RBFOX1: variants seen among roughly 807,000 people sequenced by gnomAD.
The protein encoded by RBFOX1 is RNA binding protein fox-1 homolog 1.
Under a neutral mutation model 57.7 loss-of-function variants are expected in RBFOX1, and 8 were observed. That is an observed-to-expected ratio of 0.14 (90% CI 0.08 to 0.25). RBFOX1 has a LOEUF of 0.25. Ranked by LOEUF, RBFOX1 falls within the 10% of genes least tolerant of loss-of-function variation. RBFOX1 has a pLI of 1.00. For missense variants in RBFOX1, 611 were observed against 548.5 expected (o/e 1.11, Z -1.14); for synonymous variants, 326 against 222.4 (o/e 1.47, Z -4.15).
chr16:6,352,940 G>C (rs1307605977), intron 2 of RBFOX1, among the ~76,000 whole-genome samples: 1 of 152,138 alleles, frequency 6.6e-6, no homozygotes, highest in South Asian at 2.1e-4. Flanking sequence ...GCGGGAGAGT[G>C]GTTCATTTGC....
At chr16:5,704,940 G>C (rs1207221309) in intron 3 of RBFOX1, among the ~76,000 whole-genome samples, 1 of 152,094 alleles carries the variant, frequency 6.6e-6, no homozygotes, top group Non-Finnish European at 1.5e-5. Flanking sequence ...AAGTCATATG[G>C]GAATGAGGCA....
At chr16:5,632,285 A>T (rs377062563) in intron 3 of RBFOX1, among the ~76,000 whole-genome samples, 5 of 152,360 alleles carry the variant, frequency 3.3e-5, no homozygotes, top group African/African-American at 1.2e-4. Context: ...TGGGAGTTAC[A>T]CCTGCTGGGT....
rs530675709 is a variant in RBFOX1 at position 6,578,673 on chromosome 16, C to T, written c.-63-75930C>T. On this transcript the variant is annotated intron_variant, in intron 2 of 15. Transcript: ENST00000550418. ...AAAAATATAGAGAAGGAGAGAGAAC[C>T]CCAGAGAGAGAGAAACAGAGAGTGA... Among the ~76,000 whole-genome samples the T allele has an allele frequency of 4.2e-5, 6 of 141,944 alleles. No homozygotes were observed. In the South Asian group the frequency reaches 6.7e-4, roughly 16 times the overall value. The allele number at this position is 141,944 out of a possible 152,430, so 93.1% of individuals were successfully genotyped here. A position where few individuals can be genotyped will look rare whatever the true frequency, so the allele number is the denominator to read the frequency against.
chr16:5,302,838 T>A (rs1341577671), intron 1 of RBFOX1, among the ~76,000 whole-genome samples: 1 of 152,254 alleles, frequency 6.6e-6, no homozygotes, highest in Admixed American at 6.5e-5. Flanking sequence ...AAACTGTGTT[T>A]CTTATAAACA....
At chr16:5,722,098 C>T (rs1208170895) in intron 3 of RBFOX1, among the ~76,000 whole-genome samples, 1 of 152,170 alleles carries the variant, frequency 6.6e-6, no homozygotes, top group Non-Finnish European at 1.5e-5. Context: ...TTAAAAGAAC[C>T]AGGTTGCTCT....
chr16:5,756,478 C>G lies in RBFOX1; in HGVS notation c.319-110825C>G, dbSNP rs991257534. ...GAGTTTGTCACATCTCCCAAATGCC[C>G]AGGCTGGTTTCTTACCTCCTTCTCC... is the stretch of plus-strand genomic sequence containing the variant. On this transcript the variant is annotated intron_variant, in intron 3 of 19. Transcript: ENST00000641259. 2.0e-5 allele frequency among the ~76,000 whole-genome samples: 3 copies of G among 152,102 alleles called. No homozygotes were observed. The East Asian group carries it at 5.8e-4, about 29-fold the overall frequency.
chr16:5,739,536 T>A (rs1253031051), intron 3 of RBFOX1, among the ~76,000 whole-genome samples: 1 of 152,240 alleles, frequency 6.6e-6, no homozygotes, highest in Non-Finnish European at 1.5e-5. Flanking sequence ...CAAAATATTT[T>A]TCTTTGATCT....
chr16:6,473,792 G>A (rs1489291322), intron 2 of RBFOX1, among the ~76,000 whole-genome samples: 3 of 152,162 alleles, frequency 2.0e-5, no homozygotes, highest in Non-Finnish European at 4.4e-5. Context: ...GCGTGGGGAA[G>A]CTGCAGATGG....
chr16:6,133,316 C>G (rs541428208), intron 1 of RBFOX1, among the ~76,000 whole-genome samples: 22 of 152,192 alleles, frequency 1.4e-4, no homozygotes, highest in Admixed American at 4.6e-4. Flanking sequence ...ACGTTGCTCT[C>G]TCTAGCATGT....
At chr16:7,668,258 T>C (rs2070089124) in intron 13 of RBFOX1, among the ~76,000 whole-genome samples, 2 of 152,108 alleles carry the variant, frequency 1.3e-5, no homozygotes, top group Admixed American at 6.6e-5. Flanking sequence ...CCAAAGCACA[T>C]AGTCATTGAA....
At chr16:7,044,047 T>G (rs930305432) in intron 3 of RBFOX1, among the ~76,000 whole-genome samples, 3 of 152,212 alleles carry the variant, frequency 2.0e-5, no homozygotes, top group African/African-American at 7.2e-5. Flanking sequence ...TGTATTGTAA[T>G]TATCCATAGA....
intron 1 of RBFOX1, among the ~76,000 whole-genome samples, chr16:5,440,045 A>G (rs941337341): frequency 6.6e-6 from 1 of 152,198 alleles, no homozygotes; most frequent in Non-Finnish European, 1.5e-5. Context: ...GTTGAATAAT[A>G]TGGGGAGATG....
chr16:7,460,302 G>A (rs188884052), intron 4 of RBFOX1, among the ~76,000 whole-genome samples: 7 of 147,836 alleles, frequency 4.7e-5, no homozygotes, highest in Admixed American at 4.1e-4. Context: ...GCCAGCCCAC[G>A]TATCTCTTCC....
chr16:6,662,958 T>G (rs374849727), intron 3 of RBFOX1, among the ~76,000 whole-genome samples: 65 of 152,322 alleles, frequency 4.3e-4, no homozygotes, highest in African/African-American at 1.5e-3. Context: ...ATTGTGAGTA[T>G]GGATCGCACA....
At chr16:5,320,964 C>T (rs114028895) in intron 1 of RBFOX1, among the ~76,000 whole-genome samples, 334 of 152,320 alleles carry the variant, frequency 2.2e-3, no homozygotes, top group African/African-American at 7.5e-3. Flanking sequence ...CACAGAACAG[C>T]TGTCCTGGGG....
chr16:6,150,874 G>C (rs1177347386), intron 1 of RBFOX1, among the ~76,000 whole-genome samples: 3 of 152,148 alleles, frequency 2.0e-5, no homozygotes, highest in Admixed American at 2.0e-4. Context: ...AGGTTGTCTT[G>C]ACGTGCAGCT....
intron 3 of RBFOX1, among the ~76,000 whole-genome samples, chr16:6,893,611 A>C (rs1251761622): frequency 6.6e-6 from 1 of 152,168 alleles, no homozygotes; most frequent in African/African-American, 2.4e-5. Context: ...TTTTTATATA[A>C]GGAGAAAAGG....
intron 3 of RBFOX1, among the ~76,000 whole-genome samples, chr16:7,025,288 C>G (rs8044817): frequency 0.049 from 7,447 of 152,090 alleles, 632 homozygotes; most frequent in African/African-American, 0.17. Context: ...TATCATGGCG[C>G]TCGTGAGTAT....
At chr16:7,373,142 C>T (rs576145481) in intron 4 of RBFOX1, among the ~76,000 whole-genome samples, 8 of 152,114 alleles carry the variant, frequency 5.3e-5, no homozygotes, top group African/African-American at 1.7e-4. Context: ...CCGTGTTAGC[C>T]AGGATGGTTA....
Sources: gnomAD v4.1 joint callset for allele counts (sites outside exome capture counted in the v4.1 genomes callset) on GRCh38, gnomAD v4.1.1 for gene constraint, MANE v1.5 for transcripts, NCBI Gene and HGNC (gene_info 2026-07-23, HGNC 2026-07-21) for gene names.